The following KLF12 variants were observed in gnomAD, a reference collection of about 807,000 sequenced individuals.
KLF12 encodes the protein Krueppel-like factor 12.
In KLF12, 9 loss-of-function variants were observed where a neutral mutation model predicts 37.8. The ratio of observed to expected loss-of-function variants is 0.24; its 90% CI spans 0.14 to 0.42. The LOEUF (loss-of-function observed/expected upper bound fraction) is 0.42. KLF12 is among the 10% of genes least tolerant of loss of function. The pLI is 1.00. For synonymous variants in KLF12, 208 were observed against 202.1 expected (o/e 1.03, Z -0.25); for missense variants, 411 against 516.0 (o/e 0.80, Z 1.97).
At chr13:73,955,895 A>G (rs1438297657) in intron 2 of KLF12, among the ~76,000 whole-genome samples, 1 of 152,190 alleles carries the variant, frequency 6.6e-6, no homozygotes, top group African/African-American at 2.4e-5. Context: ...GCCATTACAC[A>G]TGTTCCTGTC....
chr13:73,809,580 T>C (rs1882822071), intron 5 of KLF12, among the ~76,000 whole-genome samples: 1 of 147,340 alleles, frequency 6.8e-6, no homozygotes, highest in South Asian at 2.3e-4. Context: ...TGTCATTTGA[T>C]CTATGTATAG....
the KLF12 span, among the ~76,000 whole-genome samples, chr13:74,159,132 T>C: frequency 2.6e-5 from 4 of 152,286 alleles, 1 homozygote; most frequent in East Asian, 7.7e-4. Context: ...CATAGACTTT[T>C]GCATGTCCCA....
chr13:74,242,481 T>C, the KLF12 span, among the ~76,000 whole-genome samples: 1 of 152,152 alleles, frequency 6.6e-6, no homozygotes, highest in Non-Finnish European at 1.5e-5. Flanking sequence ...AAGAATAGTA[T>C]GTGGGAAACT....
chr13:73,982,761 T>C (rs1406312791), intron 2 of KLF12, among the ~76,000 whole-genome samples: 1 of 152,136 alleles, frequency 6.6e-6, no homozygotes, highest in Non-Finnish European at 1.5e-5. Flanking sequence ...GGAAAATCCC[T>C]CTCTTGCCAT....
At chr13:73,826,973 G>T (rs1883881389) in intron 4 of KLF12, among the ~76,000 whole-genome samples, 1 of 152,076 alleles carries the variant, frequency 6.6e-6, no homozygotes. Context: ...GTACAGATGG[G>T]TTTCACCACA....
chr13:73,958,897 T>G (rs1018335510), intron 2 of KLF12, among the ~76,000 whole-genome samples: 5 of 152,082 alleles, frequency 3.3e-5, no homozygotes, highest in Non-Finnish European at 5.9e-5. Flanking sequence ...CAATCTCAGG[T>G]GTGCCCCAAC....
the KLF12 span, among the ~76,000 whole-genome samples, chr13:74,183,088 T>C: frequency 2.5e-4 from 38 of 152,212 alleles, 1 homozygote; most frequent in Non-Finnish European, 7.3e-5. Context: ...TTCTCTATCC[T>C]TTTGTGCCTA....
chr13:73,870,992 T>C (rs1393652921), intron 3 of KLF12, among the ~76,000 whole-genome samples: 2 of 152,204 alleles, frequency 1.3e-5, no homozygotes, highest in Admixed American at 6.5e-5. Flanking sequence ...AAGTATGAGA[T>C]ATGACTGATT....
intron 5 of KLF12, among the ~76,000 whole-genome samples, chr13:73,796,209 A>C (rs117314721): frequency 1.1e-4 from 16 of 152,062 alleles, no homozygotes; most frequent in Non-Finnish European, 1.9e-4. Flanking sequence ...TGTCATTCTT[A>C]TTTTTCTCAT....
chr13:74,201,808 C>T, the KLF12 span, among the ~76,000 whole-genome samples: 5 of 152,178 alleles, frequency 3.3e-5, no homozygotes, highest in East Asian at 7.7e-4. Context: ...GCAAGTCAGA[C>T]AATTCAGCTT....
At chr13:74,023,966 C>T (rs1892909624) in intron 1 of KLF12, among the ~76,000 whole-genome samples, 1 of 152,096 alleles carries the variant, frequency 6.6e-6, no homozygotes, top group Non-Finnish European at 1.5e-5. Flanking sequence ...GATTCCAACC[C>T]CTAACAGTTT....
chr13:74,046,778 A>AT (rs1282599412), intron 1 of KLF12, among the ~76,000 whole-genome samples: 3 of 152,146 alleles, frequency 2.0e-5, no homozygotes, highest in African/African-American at 4.8e-5. Flanking sequence ...AAATGTTATG[A>AT]TTTTTTTAAC....
chr13:74,132,417 G>C (rs1878311955), intron 1 of KLF12, among the ~76,000 whole-genome samples: 1 of 152,108 alleles, frequency 6.6e-6, no homozygotes, highest in Non-Finnish European at 1.5e-5. Context: ...AGAGTTGCTC[G>C]TCTCTCCGAT....
At chr13:74,176,143 C>T in the KLF12 span, among the ~76,000 whole-genome samples, 8,710 of 152,110 alleles carry the variant, frequency 0.057, 780 homozygotes, top group African/African-American at 0.19. Context: ...CCATTTCAAC[C>T]TAACTTATTA....
At chr13:74,211,758 GAAT>G in the KLF12 span, among the ~76,000 whole-genome samples, 1 of 152,128 alleles carries the variant, frequency 6.6e-6, no homozygotes, top group African/African-American at 2.4e-5. Context: ...ATATGTAAAT[GAAT>G]AATTTTGATG....
the KLF12 span, among the ~76,000 whole-genome samples, chr13:74,229,548 A>C: frequency 6.6e-6 from 1 of 152,178 alleles, no homozygotes; most frequent in African/African-American, 2.4e-5. Context: ...AAAGGGTGAG[A>C]ATTTGGAAAA....
At chr13:74,199,570 A>G in the KLF12 span, among the ~76,000 whole-genome samples, 320 of 152,304 alleles carry the variant, frequency 2.1e-3, 4 homozygotes, top group African/African-American at 7.5e-3. Context: ...AAATATTGGC[A>G]CACAAACAGA....
chr13:73,934,447 TA>T (rs1889833150), intron 3 of KLF12, among the ~76,000 whole-genome samples: 1 of 152,236 alleles, frequency 6.6e-6, no homozygotes, highest in Admixed American at 6.5e-5. Context: ...AACTGTCTTT[TA>T]AAAAGATTTT....
chr13:74,230,403 C>T, the KLF12 span, among the ~76,000 whole-genome samples: 4 of 152,126 alleles, frequency 2.6e-5, no homozygotes, highest in Admixed American at 6.5e-5. Context: ...GACTAATACA[C>T]GTATCTTTAA....
Sources: allele counts gnomAD v4.1 joint callset (sites outside exome capture counted in the v4.1 genomes callset), GRCh38; gene constraint gnomAD v4.1.1; transcripts MANE v1.5; gene names NCBI Gene and HGNC (gene_info 2026-07-23, HGNC 2026-07-21).